The following HYLS1 variants were observed in gnomAD, a reference collection of about 807,000 sequenced individuals.
HYLS1 encodes HYLS1 centriolar and ciliogenesis associated, also known as centriolar and ciliogenesis-associated protein HYLS1.
In HYLS1, 25 loss-of-function variants were observed where a neutral mutation model predicts 29.4. The ratio of observed to expected loss-of-function variants is 0.85; its 90% CI spans 0.62 to 1.19. HYLS1 has a LOEUF of 1.19. HYLS1 is among the 50% of genes most tolerant of loss of function. The pLI is 0.00. For missense variants in HYLS1, 352 were observed against 365.1 expected, an observed-to-expected ratio of 0.96 and a Z score of 0.29; for synonymous variants, 128 against 126.7, an observed-to-expected ratio of 1.01 and a Z score of -0.07.
upstream of HYLS1, among the ~76,000 whole-genome samples, chr11:125,886,371 C>A (rs1005831028): frequency 1.3e-5 from 2 of 152,112 alleles, no homozygotes; most frequent in Admixed American, 1.3e-4. Flanking sequence ...ACATTTCTCC[C>A]CTCCCACTGA....
chr11:125,887,171 G>A, upstream of HYLS1: 1 of 152,530 alleles, frequency 6.6e-6, no homozygotes, highest in Non-Finnish European at 1.5e-5. Flanking sequence ...CGTCTAGAGC[G>A]CACAGGCGGA....
At position 125,899,424 on chromosome 11, in the gene HYLS1, G is replaced by A. The variant is rs755137516; in HGVS notation, c.56G>A (p.Arg19Gln). 6.8e-6 allele frequency: 11 copies of A among 1,614,082 alleles called. No homozygotes were observed. The highest frequency in any genetic ancestry group is 3.3e-5 in the Admixed American group (2 of 60,002). The stretch of plus-strand genomic sequence containing the variant: ...TGGGCTAATATGGATCCAGAAGAAC[G>A]AATGTTGGCAGCTGCTACAGCTTTT... ...QIWANMDPEE[R>Q]MLAAATAFTH... The change falls in exon 3 of 3, where the codon CGA becomes CAA. Residue 19 changes from arginine (R) to glutamine (Q), a missense_variant. Coordinates refer to ENST00000425380, the MANE Select transcript of HYLS1 (RefSeq NM_001134793.2).
intron 1 of HYLS1, among the ~76,000 whole-genome samples, chr11:125,890,533 T>C (rs1479822668): frequency 6.6e-6 from 1 of 152,200 alleles, no homozygotes; most frequent in Non-Finnish European, 1.5e-5. Flanking sequence ...CCTATAGCAG[T>C]CTACTGACCC....
Position 125,895,748 on chromosome 11 carries a change from C to T in HYLS1, c.-25-3596C>T, listed in dbSNP as rs1944563682. 4 of 1,609,168 alleles carry T rather than the reference C, an allele frequency of 2.5e-6. No individual in the cohort carries two copies. The East Asian group carries it at 8.9e-5, about 36-fold the overall frequency. ...CTTTTACATTAAAGTCCTCGGAATC[C>T]CTGCCCCTTGGAAACTGAGAGCGAA... is the stretch of plus-strand genomic sequence containing the variant. On this transcript the variant is annotated intron_variant, in intron 2 of 2. Coordinates refer to ENST00000425380, the MANE Select transcript of HYLS1 (RefSeq NM_001134793.2).
At chr11:125,897,094 C>A (rs929058897) in intron 2 of HYLS1, among the ~76,000 whole-genome samples, 5 of 152,164 alleles carry the variant, frequency 3.3e-5, no homozygotes, top group Admixed American at 6.5e-5. Context: ...CTGAGGACAA[C>A]TGTACTACAT....
chr11:125,895,215 T>G (rs1337794568), intron 2 of HYLS1: 6 of 1,544,842 alleles, frequency 3.9e-6, no homozygotes, highest in Non-Finnish European at 5.2e-6. Context: ...TTTTTTATTT[T>G]TAACTCACCT....
rs1944735857 is a variant in HYLS1, at chr11:125,900,409, CTATA to C, written c.*145_*148del. ...TTCACCTATCATTGGTCTTTCCTAG[CTATA>C]TATCACATTGGTATCAGATGATACT... is the stretch of plus-strand genomic sequence containing the variant. On this transcript the variant is annotated 3_prime_UTR_variant, in exon 3 of 3. Coordinates refer to ENST00000425380, the MANE Select transcript of HYLS1 (RefSeq NM_001134793.2). 1.3e-6 allele frequency: 1 copy of C among 741,322 alleles called. No homozygotes were observed. The allele number at this position is 741,322 out of a possible 1,614,324, so 45.9% of individuals were successfully genotyped here. A position where few individuals can be genotyped will look rare whatever the true frequency, so the allele number is the denominator to read the frequency against.
intron 1 of HYLS1, among the ~76,000 whole-genome samples, chr11:125,890,650 A>C (rs1291281622): frequency 6.6e-6 from 1 of 152,202 alleles, no homozygotes; most frequent in South Asian, 2.1e-4. Context: ...TTTGAAGAGA[A>C]GATATGGTTA....
Position 125,900,320 on chromosome 11 carries a change from A to T in HYLS1, c.*52A>T, listed in dbSNP as rs746008145. Reference sequence around the variant, plus strand: ...TGTTTGAGATAACCTAGCTCTTTATATCTTCCCTTTTAAATAGAAACAACT... The same window carrying T: ...TGTTTGAGATAACCTAGCTCTTTATTTCTTCCCTTTTAAATAGAAACAACT... On this transcript the variant is annotated 3_prime_UTR_variant, in exon 3 of 3. Transcript: ENST00000425380. The T allele has an allele frequency of 7.1e-6, 11 of 1,541,304 alleles. No homozygotes were observed. In the South Asian group the frequency reaches 1.0e-4, roughly 14 times the overall value.
At chr11:125,894,608 A>G (rs1342534479) in intron 2 of HYLS1, among the ~76,000 whole-genome samples, 1 of 152,236 alleles carries the variant, frequency 6.6e-6, no homozygotes, top group African/African-American at 2.4e-5. Flanking sequence ...GCAATTTTGT[A>G]TAGTATGAGT....
chr11:125,895,268 A>G (rs1429010486), intron 2 of HYLS1: 1 of 1,607,524 alleles, frequency 6.2e-7, no homozygotes, highest in South Asian at 1.1e-5. Flanking sequence ...TCAGCAGCTC[A>G]TCAATAATCT....
At chr11:125,891,163 C>G (rs1380786154) in intron 1 of HYLS1, among the ~76,000 whole-genome samples, 1 of 152,126 alleles carries the variant, frequency 6.6e-6, no homozygotes, top group Non-Finnish European at 1.5e-5. Flanking sequence ...TGGGGGCTTC[C>G]CATTTGTTCC....
At chr11:125,898,245 TG>T (rs1394942625) in intron 2 of HYLS1, among the ~76,000 whole-genome samples, 4 of 152,134 alleles carry the variant, frequency 2.6e-5, no homozygotes, top group Non-Finnish European at 5.9e-5. Flanking sequence ...AGAAAAATAG[TG>T]GGGACACAGG....
chr11:125,890,516 T>A (rs1944390886), intron 1 of HYLS1, among the ~76,000 whole-genome samples: 1 of 152,220 alleles, frequency 6.6e-6, no homozygotes, highest in South Asian at 2.1e-4. Context: ...AACTCTGCAA[T>A]AGCCTCCCTA....
At chr11:125,893,059 A>G (rs1015384300) in intron 2 of HYLS1, among the ~76,000 whole-genome samples, 1 of 152,328 alleles carries the variant, frequency 6.6e-6, no homozygotes, top group African/African-American at 2.4e-5. Context: ...GTTCTGCAAG[A>G]TCTAGCTTCA....
At chr11:125,895,734 A>C (rs956739630) in intron 2 of HYLS1, 1 of 1,611,888 alleles carries the variant, frequency 6.2e-7, no homozygotes, top group African/African-American at 1.3e-5. Context: ...TTTTACATTA[A>C]AGTCCTCGGA....
rs1565451905 is a variant in HYLS1 at position 125,894,088 on chromosome 11, C to CT, written c.-26+2619dup. 6.2e-7 allele frequency: 1 copy of CT among 1,614,182 alleles called. No homozygotes were observed. Among genetic ancestry groups the CT allele is most frequent in the Non-Finnish European group, 8.5e-7 (1 of 1,180,036 alleles). ...TTCCCCATTCTGTCATTCCATCCAT[C>CT]TTTGGTCCTATTCCACAGGGTACTG... On this transcript the variant is annotated intron_variant, in intron 2 of 2. Transcript: ENST00000425380.
intron 1 of HYLS1, chr11:125,888,112 G>C (rs1944341692): frequency 6.6e-6 from 1 of 152,258 alleles, no homozygotes; most frequent in Non-Finnish European, 1.5e-5. Context: ...AGGGCTGGAG[G>C]GGAGTCCCGA....
rs1944738533 is a variant in HYLS1 at position 125,900,483 on chromosome 11, C to G, written c.*215C>G. 1.8e-6 allele frequency: 1 copy of G among 558,128 alleles called. No homozygotes were observed. Among genetic ancestry groups the G allele is most frequent in the Non-Finnish European group, 3.3e-6 (1 of 304,926 alleles). The allele number at this position is 558,128 out of a possible 1,614,324, so 34.6% of individuals were successfully genotyped here. A position where few individuals can be genotyped will look rare whatever the true frequency, so the allele number is the denominator to read the frequency against. ...CCAGCAATTGCAAGATAAATCATAT[C>G]AGAGAAAGAACAACAGACCTGGTCT... On this transcript the variant is annotated 3_prime_UTR_variant, in exon 3 of 3. Transcript: ENST00000425380.
Sources: allele counts gnomAD v4.1 joint callset (sites outside exome capture counted in the v4.1 genomes callset), GRCh38; gene constraint gnomAD v4.1.1; transcripts MANE v1.5; gene names NCBI Gene and HGNC (gene_info 2026-07-23, HGNC 2026-07-21).